Variants in SPATA21 observed in about 807,000 individuals in gnomAD.
SPATA21 encodes spermatogenesis associated 21.
Under a neutral mutation model 54.8 loss-of-function variants are expected in SPATA21, and 47 were observed. That is an observed-to-expected ratio of 0.86 (90% CI 0.68 to 1.09). SPATA21 has a LOEUF of 1.09. SPATA21 is among the 50% of genes least tolerant of loss of function. The pLI is 0.00. For synonymous variants in SPATA21, 245 were observed against 235.3 expected, an observed-to-expected ratio of 1.04 and a Z score of -0.38; for missense variants, 599 against 596.4, an observed-to-expected ratio of 1.00 and a Z score of -0.05.
intron 5 of SPATA21, 53 bp from the exon 6 acceptor site, chr1:16,410,096 C>T: frequency 1.4e-6 from 2 of 1,404,586 alleles, no homozygotes; most frequent in South Asian, 2.8e-5. Context: ...GAGTGTCCCA[C>T]AAATCTCCTC....
chr1:16,427,802 C>T (rs970976098), intron 3 of SPATA21: 3 of 1,495,040 alleles, frequency 2.0e-6, no homozygotes, highest in Middle Eastern at 3.6e-4. Context: ...TCTCTCTCCC[C>T]CGCGGGTGGG....
intron 10 of SPATA21, among the ~76,000 whole-genome samples, chr1:16,401,605 A>G (rs1319085356): frequency 6.6e-6 from 1 of 152,096 alleles, no homozygotes; most frequent in Admixed American, 6.5e-5. Flanking sequence ...ATGATTACCT[A>G]TGATTTTATC....
chr1:16,436,092 G>T (rs1167627084), intron 1 of SPATA21, among the ~76,000 whole-genome samples: 1 of 150,396 alleles, frequency 6.6e-6, no homozygotes. Flanking sequence ...CTCTACTAAA[G>T]ATACAAAAAA....
At chr1:16,399,240 AGGTAT>A in intron 12 of SPATA21, 99 bp downstream of exon 12, 2 of 1,301,662 alleles carry the variant, frequency 1.5e-6, no homozygotes, top group Non-Finnish European at 2.1e-6. Context: ...GCAGCCTCTC[AGGTAT>A]GATCTCTTAG....
chr1:16,414,558 T>C (rs2085943144), intron 5 of SPATA21, among the ~76,000 whole-genome samples: 1 of 152,130 alleles, frequency 6.6e-6, no homozygotes, highest in African/African-American at 2.4e-5. Flanking sequence ...ATGTAAATAA[T>C]GCACTTGGAC....
At chr1:16,405,724 C>T (rs61769438) in intron 7 of SPATA21, among the ~76,000 whole-genome samples, 12,049 of 152,204 alleles carry the variant, frequency 0.079, 645 homozygotes, top group Non-Finnish European at 0.12. Context: ...GACTAGTACA[C>T]GGCCTTTGTA....
rs2085883149 is a variant in SPATA21, at chr1:16,412,609, T to G, written c.145-2566A>C. Among the ~76,000 whole-genome samples the G allele has an allele frequency of 2.0e-5, 3 of 151,764 alleles. No homozygotes were observed. The South Asian group carries it at 6.3e-4, about 32-fold the overall frequency. ...TCCCAAGTAGCTGGGATCACAGGTG[T>G]GTACCACCATGCCCGGCTAATTTTT... On this transcript the variant is annotated intron_variant, in intron 5 of 12. Transcript: ENST00000335496.
At chr1:16,399,215 T>G (rs2085367449) in intron 12 of SPATA21, 129 bp downstream of exon 12, 1 of 1,095,314 alleles carries the variant, frequency 9.1e-7, no homozygotes, top group South Asian at 1.7e-5. Context: ...TTACCCTTTC[T>G]CCTCCCTGGA....
At chr1:16,410,467 G>A (rs1478870734) in intron 5 of SPATA21, among the ~76,000 whole-genome samples, 8 of 151,150 alleles carry the variant, frequency 5.3e-5, no homozygotes, top group Admixed American at 6.6e-5. Flanking sequence ...CTGGAGTGCA[G>A]TGGTGTGATC....
intron 3 of SPATA21, among the ~76,000 whole-genome samples, chr1:16,423,959 G>C (rs2086245025): frequency 6.6e-6 from 1 of 151,756 alleles, no homozygotes; most frequent in Non-Finnish European, 1.5e-5. Context: ...AGTGATAGTT[G>C]GTAGTCGCCT....
In SPATA21 at chr1:16,421,416, G is replaced by A. The variant is rs111675807; in HGVS notation, c.144+93C>T. Reference sequence around the variant, plus strand: ...GTTTGACTCCAAATAGGGGTTTGACGTGCCACATCCGCTTCTGCCCTCTTC... The same window carrying A: ...GTTTGACTCCAAATAGGGGTTTGACATGCCACATCCGCTTCTGCCCTCTTC... On this transcript the variant is annotated intron_variant, in intron 5 of 12. Transcript: ENST00000335496. This position sits in a 1 kb window ranked among gnomAD's most constrained non-coding sequence, Gnocchi z 5.2. The A allele has an allele frequency of 1.7e-3, 2,183 of 1,278,782 alleles. 13 individuals carry two copies. The African/African-American group carries it at 0.025, about 14-fold the overall frequency. 79.2% of individuals were successfully genotyped at this position (1,278,782 alleles called of 1,614,324 possible).
At chr1:16,404,435 C>A (rs901651992) in intron 8 of SPATA21, among the ~76,000 whole-genome samples, 4 of 151,920 alleles carry the variant, frequency 2.6e-5, no homozygotes, top group African/African-American at 4.8e-5. Flanking sequence ...GTGCCACTGC[C>A]CTCCAGCCTG....
At chr1:16,427,845 C>T (rs960760201) in intron 3 of SPATA21, 5 of 1,540,750 alleles carry the variant, frequency 3.2e-6, no homozygotes, top group Admixed American at 2.0e-5. Context: ...CCTGTTCTCT[C>T]GAGAGCCCCT....
chr1:16,406,349 T>G (rs1228632358), intron 7 of SPATA21, among the ~76,000 whole-genome samples: 1 of 152,186 alleles, frequency 6.6e-6, no homozygotes, highest in Non-Finnish European at 1.5e-5. Context: ...TACTTCCAAA[T>G]GTGCCTGTGT....
At chr1:16,415,909 C>T (rs1179679642) in intron 5 of SPATA21, among the ~76,000 whole-genome samples, 1 of 152,178 alleles carries the variant, frequency 6.6e-6, no homozygotes, top group Non-Finnish European at 1.5e-5. Flanking sequence ...TCCCAGCAGG[C>T]GCTCAGCCTG....
At chr1:16,405,799 G>T (rs1252037063) in intron 7 of SPATA21, among the ~76,000 whole-genome samples, 1 of 152,166 alleles carries the variant, frequency 6.6e-6, no homozygotes, top group Non-Finnish European at 1.5e-5. Flanking sequence ...ACAATGCAGC[G>T]ATCCTTGCAA....
At chr1:16,436,749 G>A (rs2086595278) in intron 1 of SPATA21, among the ~76,000 whole-genome samples, 1 of 150,956 alleles carries the variant, frequency 6.6e-6, no homozygotes, top group Admixed American at 6.6e-5. Context: ...CTGGGCAACA[G>A]AGCAAGACTC....
chr1:16,409,093 A>T lies in SPATA21; in HGVS notation c.673+25T>A, dbSNP rs2085744167. 6.2e-7 allele frequency: 1 copy of T among 1,612,634 alleles called. No homozygotes were observed. Among genetic ancestry groups the T allele is most frequent in the African/African-American group, 1.3e-5 (1 of 74,814 alleles). On this transcript the variant is annotated intron_variant, in intron 7 of 12. Coordinates refer to ENST00000335496, the MANE Select transcript of SPATA21 (RefSeq NM_198546.1). The surrounding 1 kb of genome is among the most constrained non-coding windows in gnomAD (Gnocchi z 4.1). ...GACCAAGGGTCCTGCCTGTGCTGGGACCTCCCTGACCTCCCTGCCCTCACC... is the reference window on the plus strand; with the variant it reads ...GACCAAGGGTCCTGCCTGTGCTGGGTCCTCCCTGACCTCCCTGCCCTCACC...
At chr1:16,437,027 GA>G (rs2086603145) in intron 1 of SPATA21, 100 bp downstream of exon 1, 1 of 152,146 alleles carries the variant, frequency 6.6e-6, no homozygotes, top group Non-Finnish European at 1.5e-5. Context: ...ATGATGGCAG[GA>G]AAATACAGCA....
Sources: gnomAD v4.1 joint callset for allele counts (sites outside exome capture counted in the v4.1 genomes callset) on GRCh38, gnomAD v4.1.1 for gene constraint, Gnocchi (gnomAD v3.1) non-coding constraint, MANE v1.5 for transcripts, NCBI Gene and HGNC (gene_info 2026-07-23, HGNC 2026-07-21) for gene names.